The following C2orf76 variants were observed in gnomAD, a reference collection of about 807,000 sequenced individuals.
C2orf76 encodes chromosome 2 open reading frame 76.
Under a neutral mutation model 16.9 loss-of-function variants are expected in C2orf76, and 23 were observed. The ratio of observed to expected loss-of-function variants is 1.36; its 90% CI spans 0.98 to 1.93. The LOEUF (loss-of-function observed/expected upper bound fraction) is 1.93. Among genes scored for constraint, C2orf76 ranks in the 30% most tolerant of loss-of-function variants. The pLI, the probability that C2orf76 is intolerant of heterozygous loss-of-function variation, is 0.00. For synonymous variants in C2orf76, 48 were observed against 52.3 expected, an observed-to-expected ratio of 0.92 and a Z score of 0.35; for missense variants, 152 against 152.6, an observed-to-expected ratio of 1.00 and a Z score of 0.02.
At chr2:119,342,290 C>T (rs1199474809) in intron 1 of C2orf76, among the ~76,000 whole-genome samples, 3 of 152,144 alleles carry the variant, frequency 2.0e-5, no homozygotes, top group African/African-American at 7.2e-5. Context: ...ATACAAAGTT[C>T]ATAAACATAG....
chr2:119,355,961 C>T (rs946392056), intron 1 of C2orf76, among the ~76,000 whole-genome samples: 1 of 152,148 alleles, frequency 6.6e-6, no homozygotes, highest in Non-Finnish European at 1.5e-5. Flanking sequence ...CATGACGAGT[C>T]TGAAGAAGTG....
chr2:119,291,969 A>C, the C2orf76 span, among the ~76,000 whole-genome samples: 2 of 152,084 alleles, frequency 1.3e-5, no homozygotes, highest in Non-Finnish European at 2.9e-5. Flanking sequence ...AGCTCACCCA[A>C]GGTCACACCT....
At chr2:119,366,494 AC>A (rs1681000331) in intron 1 of C2orf76, 3 of 471,568 alleles carry the variant, frequency 6.4e-6, no homozygotes, top group African/African-American at 2.0e-5. Context: ...CCAGCTTTCC[AC>A]CATCACGCTG....
chr2:119,352,176 T>C (rs999807589), intron 1 of C2orf76, among the ~76,000 whole-genome samples: 2 of 152,204 alleles, frequency 1.3e-5, no homozygotes, highest in Non-Finnish European at 2.9e-5. Flanking sequence ...GAAATTATGC[T>C]TATGACCAGA....
At chr2:119,324,455 C>T (rs994721519) in intron 2 of C2orf76, among the ~76,000 whole-genome samples, 7 of 152,054 alleles carry the variant, frequency 4.6e-5, no homozygotes, top group Admixed American at 6.5e-5. Context: ...GGGATGAAAA[C>T]GTGGGCTGTC....
intron 5 of C2orf76, among the ~76,000 whole-genome samples, chr2:119,304,360 T>C (rs977953635): frequency 1.3e-5 from 2 of 152,240 alleles, no homozygotes; most frequent in Non-Finnish European, 2.9e-5. Context: ...CTTACTGCAG[T>C]TGACATTTAT....
At chr2:119,320,879 T>C (rs1000231567) in intron 3 of C2orf76, among the ~76,000 whole-genome samples, 3 of 152,110 alleles carry the variant, frequency 2.0e-5, no homozygotes, top group African/African-American at 7.2e-5. Context: ...CTTCTTTTAA[T>C]TCTTAGTCTT....
chr2:119,286,981 A>C, the C2orf76 span, among the ~76,000 whole-genome samples: 2 of 152,180 alleles, frequency 1.3e-5, no homozygotes, highest in Admixed American at 6.5e-5. Flanking sequence ...AGTGAGCAGA[A>C]GAACCTTCTT....
chr2:119,283,977 G>A, the C2orf76 span, among the ~76,000 whole-genome samples: 5,859 of 152,214 alleles, frequency 0.038, 362 homozygotes, highest in African/African-American at 0.13. Context: ...CCACACATCC[G>A]GGAGCACAGC....
chr2:119,328,066 G>T (rs1215658161), intron 2 of C2orf76, among the ~76,000 whole-genome samples: 1 of 151,276 alleles, frequency 6.6e-6, no homozygotes, highest in Non-Finnish European at 1.5e-5. Context: ...TCGCTATGTT[G>T]CTTGGGTTGT....
chr2:119,307,671 C>T (rs911266154), intron 5 of C2orf76, among the ~76,000 whole-genome samples: 6 of 152,076 alleles, frequency 3.9e-5, no homozygotes, highest in African/African-American at 1.2e-4. Flanking sequence ...GTTAGGAGTT[C>T]GGAGGGCAGT....
intron 4 of C2orf76, 113 bp from the exon 5 acceptor site, chr2:119,311,816 T>C (rs2104547839): frequency 4.1e-6 from 4 of 976,518 alleles, no homozygotes; most frequent in South Asian, 3.3e-5. Context: ...TCTAAGTAGA[T>C]TCCACTGCCC....
intron 4 of C2orf76, among the ~76,000 whole-genome samples, chr2:119,313,373 A>G (rs561404519): frequency 6.6e-6 from 1 of 152,262 alleles, no homozygotes; most frequent in East Asian, 1.9e-4. Flanking sequence ...GGACTGTTTG[A>G]GCCCAGGAGT....
intron 5 of C2orf76, among the ~76,000 whole-genome samples, chr2:119,306,880 A>G (rs1678806693): frequency 6.6e-6 from 1 of 152,176 alleles, no homozygotes; most frequent in Admixed American, 6.5e-5. Flanking sequence ...TCTCCCTGAG[A>G]AAAGAAATCT....
chr2:119,352,900 C>A (rs1191915261), intron 1 of C2orf76, among the ~76,000 whole-genome samples: 3 of 152,070 alleles, frequency 2.0e-5, no homozygotes, highest in Non-Finnish European at 4.4e-5. Context: ...GATTTAGGAA[C>A]CAGTATCACA....
chr2:119,286,886 TGAG>T, the C2orf76 span, among the ~76,000 whole-genome samples: 1 of 152,140 alleles, frequency 6.6e-6, no homozygotes, highest in Non-Finnish European at 1.5e-5. Context: ...TGACTTCTGT[TGAG>T]GAGGTATCAG....
chr2:119,339,766 T>C, intron 2 of C2orf76, 61 bp downstream of exon 2: 4 of 1,459,368 alleles, frequency 2.7e-6, no homozygotes, highest in South Asian at 2.4e-5. Context: ...TTATTATTAA[T>C]GTCATAGTCA....
intron 5 of C2orf76, chr2:119,311,247 G>T: frequency 1.0e-6 from 1 of 985,376 alleles, no homozygotes; most frequent in Non-Finnish European, 1.2e-6. Context: ...TACCAACAAT[G>T]CGTTTCATTA....
At chr2:119,342,893 G>C (rs768478830) in intron 1 of C2orf76, among the ~76,000 whole-genome samples, 5 of 151,800 alleles carry the variant, frequency 3.3e-5, no homozygotes, top group African/African-American at 1.2e-4. Context: ...CGTCAGCCTC[G>C]TGAGTAGCTG....
Sources: allele counts gnomAD v4.1 joint callset (sites outside exome capture counted in the v4.1 genomes callset), GRCh38; gene constraint gnomAD v4.1.1; transcripts MANE v1.5; gene names NCBI Gene and HGNC (gene_info 2026-07-23, HGNC 2026-07-21).